The following MLPH variants were observed in gnomAD, a reference collection of about 807,000 sequenced individuals.
MLPH encodes the protein exophilin-3.
MLPH carries 51 observed loss-of-function variants against 72.1 expected under a neutral mutation model. The ratio of observed to expected loss-of-function variants is 0.71; its 90% CI spans 0.56 to 0.89. MLPH has a LOEUF of 0.89. Among genes scored for constraint, MLPH ranks in the 40% least tolerant of loss-of-function variants. The pLI, the probability that MLPH is intolerant of heterozygous loss-of-function variation, is 0.00. For missense variants in MLPH, 743 were observed against 759.9 expected, an observed-to-expected ratio of 0.98 and a Z score of 0.26; for synonymous variants, 301 against 310.1, an observed-to-expected ratio of 0.97 and a Z score of 0.31.
At chr2:237,497,766 A>G (rs1336948829) in intron 2 of MLPH, among the ~76,000 whole-genome samples, 2 of 152,212 alleles carry the variant, frequency 1.3e-5, no homozygotes, top group African/African-American at 4.8e-5. Context: ...CAATTTCAAC[A>G]TGAACAGTCA....
At chr2:237,488,025 G>A (rs1382008001) in intron 1 of MLPH, among the ~76,000 whole-genome samples, 4 of 152,032 alleles carry the variant, frequency 2.6e-5, no homozygotes, top group Non-Finnish European at 4.4e-5. Context: ...TGTGGGCTTC[G>A]TCCCTACTAG....
chr2:237,542,894 A>G lies in MLPH; in HGVS notation c.1539+235A>G, dbSNP rs377420328. ...GTGGGGGACAGTGGTGAGTGGGCAC[A>G]GTAGTGAGTGGGGGGACAGTGGTGA... On this transcript the variant is annotated intron_variant, in intron 12 of 15. Transcript: ENST00000264605. Among the ~76,000 whole-genome samples the G allele has an allele frequency of 7.0e-4, 14 of 19,870 alleles. No homozygotes were observed. The highest frequency in any genetic ancestry group is 3.8e-3 in the African/African-American group (3 of 782). The allele number at this position is 19,870 out of a possible 152,430, so 13.0% of individuals were successfully genotyped here.
chr2:237,553,113 A>C (rs1446901066), intron 15 of MLPH: 1 of 472,638 alleles, frequency 2.1e-6, no homozygotes, highest in Non-Finnish European at 4.4e-6. Flanking sequence ...GAGTGGCCCC[A>C]ACCAATGTGA....
intron 2 of MLPH, among the ~76,000 whole-genome samples, chr2:237,500,938 CTTG>C (rs894820936): frequency 1.3e-5 from 2 of 152,122 alleles, no homozygotes; most frequent in African/African-American, 4.8e-5. Context: ...CCCTCACCGT[CTTG>C]TTGTCCATTC....
At chr2:237,519,774 G>T (rs550473852) in intron 5 of MLPH, 136 bp from the exon 6 acceptor site, 7 of 1,250,470 alleles carry the variant, frequency 5.6e-6, no homozygotes, top group Middle Eastern at 1.9e-4. Context: ...CCTAGTGGAG[G>T]GGGTGGATGT....
chr2:237,549,386 C>A, intron 14 of MLPH, 108 bp downstream of exon 14: 1 of 1,079,160 alleles, frequency 9.3e-7, no homozygotes, highest in Non-Finnish European at 1.4e-6. Flanking sequence ...TGGGACATAT[C>A]TCATGTCCTG....
rs565870048 is a variant in MLPH at position 237,519,767 on chromosome 2, A to C, written c.556-143A>C. On this transcript the variant is annotated intron_variant, in intron 5 of 15. Coordinates refer to ENST00000264605, the MANE Select transcript of MLPH (RefSeq NM_024101.7). ...TCTGGGCTTGGTCAGGTTTGTTCCT[A>C]GTGGAGGGGGTGGATGTGCTGGGAG... 1.0e-3 allele frequency: 1,219 copies of C among 1,200,434 alleles called. 1 individual carries two copies. The highest frequency in any genetic ancestry group is 1.3e-3 in the Non-Finnish European group (1,098 of 814,414). 74.4% of individuals were successfully genotyped at this position (1,200,434 alleles called of 1,614,324 possible).
In MLPH at chr2:237,541,980, T is replaced by C. The variant is rs1203184098; in HGVS notation, c.1447-587T>C. Among the ~76,000 whole-genome samples the C allele has an allele frequency of 6.6e-6, 1 of 152,112 alleles. No homozygotes were observed. The highest frequency in any genetic ancestry group is 2.4e-5 in the African/African-American group (1 of 41,404). ...CCGTGCCAAGGCCCTGGGGTGGCAG[T>C]GGGCTTGGTGCCTGCAGGGATTAGC... On this transcript the variant is annotated intron_variant, in intron 11 of 15. Coordinates refer to ENST00000264605, the MANE Select transcript of MLPH (RefSeq NM_024101.7). This position sits in a 1 kb window ranked among gnomAD's most constrained non-coding sequence, Gnocchi z 5.1.
chr2:237,544,441 G>A (rs1266860580), intron 12 of MLPH, among the ~76,000 whole-genome samples: 18 of 45,824 alleles, frequency 3.9e-4, no homozygotes, highest in Middle Eastern at 0.015. Context: ...GAATGGGCAC[G>A]GTAGTGAGTG....
Position 237,525,819 on chromosome 2 carries a change from G to T in MLPH, c.880+14G>T, listed in dbSNP as rs2080292014. ...CTGCTGCACTCGGTAGGTGCCCTTG[G>T]CCAGGGTCTTCCTGATGGGCTCGGC... On this transcript the variant is annotated intron_variant, in intron 7 of 15. Transcript: ENST00000264605. 3 of 1,608,870 alleles carry T rather than the reference G, an allele frequency of 1.9e-6. No homozygotes were observed.
rs551974663 is a variant in MLPH, at chr2:237,509,382, CAGA to C, written c.111-1185_111-1183del. 6.2e-4 allele frequency among the ~76,000 whole-genome samples: 95 copies of C among 152,224 alleles called. 1 individual carries two copies. Among genetic ancestry groups the C allele is most frequent in the Non-Finnish European group, 1.2e-3 (81 of 68,022 alleles). On this transcript the variant is annotated intron_variant, in intron 2 of 15. Transcript: ENST00000264605. ...CTCAGGGTACCGTTCTGCCTGGATA[CAGA>C]AGAAGAGGTTCTCCCTGGGACAGAG...
At chr2:237,532,067 C>G (rs13387689) in intron 8 of MLPH, among the ~76,000 whole-genome samples, 5,184 of 152,250 alleles carry the variant, frequency 0.034, 279 homozygotes, top group African/African-American at 0.11. Context: ...AATTAAGCAG[C>G]AGAAAGAAGC....
intron 12 of MLPH, 84 bp from the exon 13 acceptor site, chr2:237,546,522 C>A (rs2080921603): frequency 1.7e-6 from 2 of 1,172,690 alleles, no homozygotes; most frequent in African/African-American, 1.5e-5. Flanking sequence ...GAGCATCCAT[C>A]CTTACATCCA....
intron 6 of MLPH, among the ~76,000 whole-genome samples, chr2:237,521,215 G>A (rs2080175125): frequency 6.6e-6 from 1 of 152,156 alleles, no homozygotes; most frequent in Non-Finnish European, 1.5e-5. Flanking sequence ...AAAACAATAT[G>A]GGTACTATAG....
At chr2:237,501,664 T>TAAAAAAAAAAAAAAA in intron 2 of MLPH, among the ~76,000 whole-genome samples, 1 of 63,552 alleles carries the variant, frequency 1.6e-5, no homozygotes, top group Non-Finnish European at 2.6e-5. Flanking sequence ...ACGTCTCTAC[T>TAAAAAAAAAAAAAAA]AAAAAAAAAA....
At chr2:237,524,921 G>C (rs2080269980) in intron 6 of MLPH, among the ~76,000 whole-genome samples, 1 of 152,204 alleles carries the variant, frequency 6.6e-6, no homozygotes, top group Non-Finnish European at 1.5e-5. Context: ...GGGAAGCAGG[G>C]TGGGTCCTGG....
intron 6 of MLPH, among the ~76,000 whole-genome samples, chr2:237,522,382 A>G (rs868860140): frequency 1.7e-4 from 14 of 81,768 alleles, no homozygotes; most frequent in South Asian, 8.8e-4. Context: ...CTGGGCTTGG[A>G]CCTTCAAACA....
intron 6 of MLPH, among the ~76,000 whole-genome samples, chr2:237,524,302 A>AAT (rs139706602): frequency 0.042 from 5,358 of 127,126 alleles, 365 homozygotes; most frequent in African/African-American, 0.098. Flanking sequence ...GAACTAATAG[A>AAT]ATATATATAT....
Position 237,510,900 on chromosome 2 carries a change from C to CGTGTGTGTGTGT in MLPH, c.333-75_333-64dup, listed in dbSNP as rs71887544. On this transcript the variant is annotated intron_variant, in intron 3 of 15. Coordinates refer to ENST00000264605, the MANE Select transcript of MLPH (RefSeq NM_024101.7). This position sits in a 1 kb window ranked among gnomAD's most constrained non-coding sequence, Gnocchi z 4.4. ...GGGTGGACGCACACATGCACACACT[C>CGTGTGTGTGTGT]GTGTGTGTGTGTGTGTGTGTGTGTG... is the stretch of plus-strand genomic sequence containing the variant. The CGTGTGTGTGTGT allele has an allele frequency of 9.9e-4, 1,304 of 1,319,480 alleles. 1 individual carries two copies. In the East Asian group the frequency reaches 0.017, roughly 17 times the overall value. The allele number at this position is 1,319,480 out of a possible 1,614,324, so 81.7% of individuals were successfully genotyped here.
Sources: allele counts gnomAD v4.1 joint callset (sites outside exome capture counted in the v4.1 genomes callset), GRCh38; gene constraint gnomAD v4.1.1; non-coding constraint Gnocchi (gnomAD v3.1); transcripts MANE v1.5; gene names NCBI Gene and HGNC (gene_info 2026-07-23, HGNC 2026-07-21).